The following SYT15 variants were observed in gnomAD, a reference collection of about 807,000 sequenced individuals.
SYT15 encodes synaptotagmin 15, also known as synaptotagmin-15.
Under a neutral mutation model 30.1 loss-of-function variants are expected in SYT15, and 4 were observed. The ratio of observed to expected loss-of-function variants is 0.13; its 90% confidence interval spans 0.07 to 0.30. The LOEUF is 0.30. SYT15 is among the 10% of genes least tolerant of loss of function. The pLI, the probability that SYT15 is intolerant of heterozygous loss-of-function variation, is 1.00. For missense variants in SYT15, 49 were observed against 371.7 expected (o/e 0.13, Z 7.14); for synonymous variants, 19 against 166.3 (o/e 0.11, Z 6.82).
chr10:46,580,721 T>TGC lies in SYT15; in HGVS notation c.213-172_213-171insCG, dbSNP rs1455466109. On this transcript the variant is annotated intron_variant, in intron 2 of 7. Coordinates refer to ENST00000374321, the MANE Select transcript of SYT15 (RefSeq NM_031912.5). ...GTGTGTGTGTGTGTGTGTGTGTGCG[T>TGC]GTGTGTGTGTGTGTGTTGCCTGGTA... is the stretch of plus-strand genomic sequence containing the variant. Among the ~76,000 whole-genome samples, 65 of 132,316 alleles carry TGC rather than the reference T, an allele frequency of 4.9e-4. No homozygotes were observed. In the East Asian group the frequency reaches 0.013, roughly 27 times the overall value. 86.8% of individuals were successfully genotyped at this position (132,316 alleles called of 152,430 possible).
intron 7 of SYT15, among the ~76,000 whole-genome samples, chr10:46,586,348 C>A (rs1318511630): frequency 7.6e-6 from 1 of 131,580 alleles, no homozygotes; most frequent in Admixed American, 7.4e-5. Context: ...AGATCGAGAC[C>A]GTCCTGGCTA....
Position 46,591,452 on chromosome 10 carries a change from CAAAA to C in SYT15, c.*3809_*3812del, listed in dbSNP as rs1275686448. 1 of 95,600 alleles carries C rather than the reference CAAAA, an allele frequency of 1.0e-5. No individual in the cohort carries two copies. The highest frequency in any genetic ancestry group is 2.1e-5 in the Non-Finnish European group (1 of 48,766). 5.9% of individuals were successfully genotyped at this position (95,600 alleles called of 1,614,324 possible). On this transcript the variant is annotated 3_prime_UTR_variant, in exon 8 of 8. Transcript: ENST00000374321. ...ACTATGTTTATGACATAAGTATAAA[CAAAA>C]AAATAAAATAAGTAAATAAATAAAT...
At chr10:46,597,098 T>A (rs1845712119), downstream of SYT15, among the ~76,000 whole-genome samples, 2 of 142,152 alleles carry the variant, frequency 1.4e-5, no homozygotes, top group Admixed American at 1.4e-4. Flanking sequence ...TAGTTTGCTG[T>A]TTACATTCCA....
rs528523621 is a variant in SYT15 at position 46,591,066 on chromosome 10, A to G, written c.*3419A>G. The G allele has an allele frequency of 2.3e-5, 3 of 132,772 alleles. 1 individual carries two copies. Among genetic ancestry groups the G allele is most frequent in the South Asian group, 4.9e-4 (2 of 4,094 alleles). 8.2% of individuals were successfully genotyped at this position (132,772 alleles called of 1,614,324 possible). On this transcript the variant is annotated 3_prime_UTR_variant, in exon 8 of 8. Coordinates refer to ENST00000374321, the MANE Select transcript of SYT15 (RefSeq NM_031912.5). ...AGGGAGCATGGCCATAAAATAAAAT[A>G]AAATAAAATTTAGATTTAAGTCGAG...
rs1219074352 is a variant in SYT15 at position 46,590,357 on chromosome 10, ATGAC to A, written c.*2711_*2714del. ...TTTTGTATAATCATGTCCTCTGTGAATGACAGTTTTATTTCTTCCTTTCTTAATC... is the reference window on the plus strand; with the variant it reads ...TTTTGTATAATCATGTCCTCTGTGAAAGTTTTATTTCTTCCTTTCTTAATC... On this transcript the variant is annotated 3_prime_UTR_variant, in exon 8 of 8. Coordinates refer to ENST00000374321, the MANE Select transcript of SYT15 (RefSeq NM_031912.5). 3.2e-5 allele frequency: 1 copy of A among 31,244 alleles called. No homozygotes were observed. The highest frequency in any genetic ancestry group is 6.7e-5 in the Non-Finnish European group (1 of 14,884). 1.9% of individuals were successfully genotyped at this position (31,244 alleles called of 1,614,324 possible).
Position 46,580,254 on chromosome 10 carries a change from G to A in SYT15, c.98G>A (p.Cys33Tyr). 2 of 968,116 alleles carry A rather than the reference G, an allele frequency of 2.1e-6. No homozygotes were observed. Among genetic ancestry groups the A allele is most frequent in the South Asian group, 1.6e-5 (1 of 61,872 alleles). The allele number at this position is 968,116 out of a possible 1,614,324, so 60.0% of individuals were successfully genotyped here. ...GASCCLWRRF[C>Y]ATLTYEELPG... ...AGCTGCTGTCTGTGGAGAAGGTTCT[G>A]TGCCACCCTCACCTATGAGGAGCTG... is the stretch of plus-strand genomic sequence containing the variant. Residue 33 changes from cysteine (C) to tyrosine (Y), a missense_variant, in exon 2 of 8, where the codon TGT becomes TAT. Transcript: ENST00000374321.
At position 46,582,039 on chromosome 10, in the gene SYT15, G is replaced by T; in HGVS notation, c.499G>T (p.Gly167Cys). The T allele has an allele frequency of 6.3e-7, 1 of 1,592,464 alleles. No homozygotes were observed. The highest frequency in any genetic ancestry group is 2.3e-5 in the East Asian group (1 of 44,268). The change falls in exon 4 of 8, where the codon GGC becomes TGC. Residue 167 changes from glycine to cysteine, a missense_variant. Physicochemically the swap from Gly to Cys is radical, Grantham distance 159. Transcript: ENST00000374321. ...YEQEAERLLV[G>C]LIKAQHLQAP... Reference sequence around the variant, plus strand: ...GCAGGAGGCTGAGCGGCTGCTGGTGGGCTTGATCAAGGCACAGCACCTGCA... The same window carrying T: ...GCAGGAGGCTGAGCGGCTGCTGGTGTGCTTGATCAAGGCACAGCACCTGCA...
At position 46,590,689 on chromosome 10, in the gene SYT15, G is replaced by T. The variant is rs1555043334; in HGVS notation, c.*3042G>T. The stretch of plus-strand genomic sequence containing the variant: ...TCATCCTCAATCTCAGGGGTGGTGG[G>T]TGTGGCATGTGGAGAGTTGTCAATA... On this transcript the variant is annotated 3_prime_UTR_variant, in exon 8 of 8. Coordinates refer to ENST00000374321, the MANE Select transcript of SYT15 (RefSeq NM_031912.5). The T allele has an allele frequency of 1.4e-5, 2 of 143,362 alleles. No homozygotes were observed. Among genetic ancestry groups the T allele is most frequent in the African/African-American group, 5.4e-5 (2 of 37,294 alleles). 8.9% of individuals were successfully genotyped at this position (143,362 alleles called of 1,614,324 possible). A position where few individuals can be genotyped will look rare whatever the true frequency, so the allele number is the denominator to read the frequency against.
At chr10:46,584,430 T>C in intron 5 of SYT15, 65 bp from the exon 6 acceptor site, 1 of 1,590,718 alleles carries the variant, frequency 6.3e-7, no homozygotes, top group East Asian at 2.3e-5. Context: ...TCTCTGGGGG[T>C]TCTGTGACCC....
Position 46,583,862 on chromosome 10 carries a change from G to A in SYT15, c.782G>A (p.Arg261Gln), listed in dbSNP as rs201248430. 9.6e-6 allele frequency: 15 copies of A among 1,555,054 alleles called. 1 individual carries two copies. Among genetic ancestry groups the A allele is most frequent in the African/African-American group, 7.6e-5 (5 of 65,958 alleles). ...AATGAGACCCTAGTGGGGGACTGCC[G>A]GCGTGTCATCTGGAGAGACCTGGAG... ...LKNETLVGDCRRVIWRDLEAE... is the reference protein window; with the variant it reads ...LKNETLVGDCQRVIWRDLEAE... The change falls in exon 5 of 8, where the codon CGG (arginine) becomes CAG (glutamine). Residue 261 changes from arginine to glutamine, a missense_variant. Coordinates refer to ENST00000374321, the MANE Select transcript of SYT15 (RefSeq NM_031912.5).
At chr10:46,594,467 T>C (rs1555044998), downstream of SYT15, among the ~76,000 whole-genome samples, 1 of 130,104 alleles carries the variant, frequency 7.7e-6, no homozygotes, top group Non-Finnish European at 1.6e-5. Context: ...TTTCATAGCC[T>C]TTCTGCATAG....
chr10:46,580,621 A>C (rs1480586535), intron 2 of SYT15, among the ~76,000 whole-genome samples: 1 of 136,954 alleles, frequency 7.3e-6, no homozygotes, highest in Non-Finnish European at 1.6e-5. Context: ...CAGAACAGGA[A>C]TCCAAACCCA....
At position 46,586,324 on chromosome 10, in the gene SYT15, A is replaced by G. The variant is rs553161858; in HGVS notation, c.1123+547A>G. On this transcript the variant is annotated intron_variant, in intron 7 of 7. Coordinates refer to ENST00000374321, the MANE Select transcript of SYT15 (RefSeq NM_031912.5). The stretch of plus-strand genomic sequence containing the variant: ...CACTTTGGAAGGCCGAGGTAGGCAG[A>G]TCACGAGGTCAGGAGATCGAGACCG... Among the ~76,000 whole-genome samples, 79 of 132,748 alleles carry G rather than the reference A, an allele frequency of 6.0e-4. 9 individuals are homozygous for G. Among genetic ancestry groups the G allele is most frequent in the Non-Finnish European group, 1.0e-3 (67 of 64,020 alleles). 87.1% of individuals were successfully genotyped at this position (132,748 alleles called of 152,430 possible).
At chr10:46,593,145 C>G (rs186658136), downstream of SYT15, 2 of 100,474 alleles carry the variant, frequency 2.0e-5, no homozygotes, top group East Asian at 6.7e-4. Flanking sequence ...AGATCCCCCC[C>G]CTCTACAAAA....
Position 46,590,900 on chromosome 10 carries a change from T to C in SYT15, c.*3253T>C, listed in dbSNP as rs1298772054. 48 of 138,488 alleles carry C rather than the reference T, an allele frequency of 3.5e-4. 1 individual carries two copies. The highest frequency in any genetic ancestry group is 1.3e-3 in the African/African-American group (46 of 34,934). 8.6% of individuals were successfully genotyped at this position (138,488 alleles called of 1,614,324 possible). A position where few individuals can be genotyped will look rare whatever the true frequency, so the allele number is the denominator to read the frequency against. On this transcript the variant is annotated 3_prime_UTR_variant, in exon 8 of 8. Coordinates refer to ENST00000374321, the MANE Select transcript of SYT15 (RefSeq NM_031912.5). Reference sequence around the variant, plus strand: ...TTTGGATGTGATGACTTATACTAATTGACTGTTGAATGTCAAACCAAACTT... The same window carrying C: ...TTTGGATGTGATGACTTATACTAATCGACTGTTGAATGTCAAACCAAACTT...
At chr10:46,596,135 G>C (rs527925807), downstream of SYT15, 1 of 146,676 alleles carries the variant, frequency 6.8e-6, no homozygotes, top group South Asian at 2.1e-4. Flanking sequence ...TTTGTGCTTC[G>C]CTGTGCCCAT....
At chr10:46,580,712 G>A in intron 2 of SYT15, among the ~76,000 whole-genome samples, 182 bp from the exon 3 acceptor site, 1 of 138,858 alleles carries the variant, frequency 7.2e-6, no homozygotes. Context: ...GTGTGTGTGT[G>A]TGTGTGCGTG....
chr10:46,580,709 T>TGC (rs1831645339), intron 2 of SYT15, among the ~76,000 whole-genome samples, 185 bp from the exon 3 acceptor site: 9 of 126,636 alleles, frequency 7.1e-5, no homozygotes, highest in African/African-American at 2.8e-4. Flanking sequence ...TGTGTGTGTG[T>TGC]GTGTGTGTGC....
At chr10:46,580,721 T>TGTGTGTGC (rs1588998859) in intron 2 of SYT15, among the ~76,000 whole-genome samples, 173 bp from the exon 3 acceptor site, 1 of 132,416 alleles carries the variant, frequency 7.6e-6, no homozygotes, top group East Asian at 2.0e-4. Flanking sequence ...TGTGTGTGCG[T>TGTGTGTGC]GTGTGTGTGT....
Sources: allele counts gnomAD v4.1 joint callset (sites outside exome capture counted in the v4.1 genomes callset), GRCh38; gene constraint gnomAD v4.1.1; transcripts MANE v1.5; gene names NCBI Gene and HGNC (gene_info 2026-07-23, HGNC 2026-07-21).